The following JARID2 variants were observed in gnomAD, a reference collection of about 807,000 sequenced individuals.
JARID2 encodes the protein protein Jumonji.
JARID2 carries 21 observed loss-of-function variants against 125.6 expected under a neutral mutation model. The ratio of observed to expected loss-of-function variants is 0.17; its 90% CI spans 0.12 to 0.24. The LOEUF (loss-of-function observed/expected upper bound fraction) is 0.24. Among genes scored for constraint, JARID2 ranks in the 10% least tolerant of loss-of-function variants. The probability of loss-of-function intolerance (pLI) is 1.00; values close to 1 mark genes in which losing one functional copy is unlikely to be tolerated. For synonymous variants in JARID2, 736 were observed against 661.6 expected (o/e 1.11, Z -1.73); for missense variants, 1,303 against 1,639.6 (o/e 0.79, Z 3.55).
chr6:15,392,430 T>G (rs373322362), intron 2 of JARID2, among the ~76,000 whole-genome samples: 7 of 152,082 alleles, frequency 4.6e-5, no homozygotes, highest in East Asian at 3.9e-4. Flanking sequence ...AGGATTCACC[T>G]TCTGTCCGAC....
intron 1 of JARID2, among the ~76,000 whole-genome samples, chr6:15,332,797 A>G (rs781065053): frequency 4.6e-5 from 7 of 152,184 alleles, no homozygotes; most frequent in Non-Finnish European, 7.3e-5. Context: ...ATAGTTTTCA[A>G]TACATACATT....
chr6:15,476,974 C>G (rs1424095513), intron 5 of JARID2, among the ~76,000 whole-genome samples: 2 of 152,038 alleles, frequency 1.3e-5, no homozygotes, highest in East Asian at 3.9e-4. Flanking sequence ...AGGAGGAGAC[C>G]TTGGTGAAGG....
intron 6 of JARID2, among the ~76,000 whole-genome samples, chr6:15,495,662 G>T (rs994602696): frequency 9.2e-5 from 14 of 152,210 alleles, no homozygotes; most frequent in African/African-American, 3.4e-4. Flanking sequence ...GTGGAGCACA[G>T]AAATAGCAGA....
At chr6:15,346,058 G>C (rs1284971456) in intron 1 of JARID2, among the ~76,000 whole-genome samples, 1 of 152,186 alleles carries the variant, frequency 6.6e-6, no homozygotes, top group Non-Finnish European at 1.5e-5. Flanking sequence ...GATTTTTCCT[G>C]TCTGATAAAA....
At chr6:15,328,644 C>G (rs1386262667) in intron 1 of JARID2, among the ~76,000 whole-genome samples, 1 of 135,998 alleles carries the variant, frequency 7.4e-6, no homozygotes, top group Non-Finnish European at 1.6e-5. Context: ...GTGTTAAAGC[C>G]AGGACCACAG....
intron 5 of JARID2, among the ~76,000 whole-genome samples, chr6:15,474,460 CT>C (rs59060966): frequency 0.02 from 2,903 of 143,732 alleles, 69 homozygotes; most frequent in African/African-American, 0.065. Context: ...AGTTGCATGC[CT>C]TTTTTTTTTT....
chr6:15,398,131 T>C (rs1422990973), intron 2 of JARID2, among the ~76,000 whole-genome samples: 1 of 152,068 alleles, frequency 6.6e-6, no homozygotes, highest in East Asian at 1.9e-4. Context: ...TATATGTTTA[T>C]GTTATAATAT....
intron 1 of JARID2, among the ~76,000 whole-genome samples, chr6:15,251,919 G>A (rs1295736090): frequency 6.6e-6 from 1 of 152,000 alleles, no homozygotes; most frequent in African/African-American, 2.4e-5. Flanking sequence ...CGGAGGTTGC[G>A]GTGAGCCGCT....
chr6:15,468,113 A>G (rs1054590214), intron 4 of JARID2, among the ~76,000 whole-genome samples: 10 of 151,158 alleles, frequency 6.6e-5, no homozygotes, highest in Admixed American at 6.6e-4. Context: ...TGAATACAAC[A>G]CAGTGATTTT....
At chr6:15,447,241 G>C (rs1215669313) in intron 3 of JARID2, among the ~76,000 whole-genome samples, 2 of 152,038 alleles carry the variant, frequency 1.3e-5, no homozygotes, top group Non-Finnish European at 2.9e-5. Context: ...TCCTCTGCTG[G>C]TTTACATTTA....
intron 15 of JARID2, 85 bp from the exon 16 acceptor site, chr6:15,513,154 G>C: frequency 6.6e-7 from 1 of 1,526,664 alleles, no homozygotes; most frequent in Non-Finnish European, 8.8e-7. Flanking sequence ...CTGCAGGGAG[G>C]CCGGTGTGGG....
chr6:15,374,219 G>A lies in JARID2; in HGVS notation c.148G>A (p.Glu50Lys). 2 of 1,614,116 alleles carry A rather than the reference G, an allele frequency of 1.2e-6. No homozygotes were observed. The highest frequency in any genetic ancestry group is 1.7e-6 in the Non-Finnish European group (2 of 1,179,972). The stretch of plus-strand genomic sequence containing the variant: ...GAATTCCCAGAAGAGGCAGCATGCG[G>A]AAGGCATTGCTGGGAGCCTGAAAAC... Reference protein sequence around the residue: ...FKNSQKRQHAEGIAGSLKTVN... With the variant: ...FKNSQKRQHAKGIAGSLKTVN... The change falls in exon 2 of 18, where the codon GAA becomes AAA. Residue 50 changes from glutamate (E) to lysine (K), a missense_variant. By Grantham distance (56) the Glu-to-Lys change is moderately conservative. This residue lies in a region of JARID2 where 93 missense variants were observed against 120.4 expected (regional missense o/e 0.77). Transcript: ENST00000341776.
At chr6:15,336,927 A>G (rs1389093039) in intron 1 of JARID2, among the ~76,000 whole-genome samples, 2 of 152,114 alleles carry the variant, frequency 1.3e-5, no homozygotes, top group East Asian at 1.9e-4. Flanking sequence ...GCCAGAGAAG[A>G]GTTAACTTAT....
chr6:15,296,302 G>A (rs1287470163), intron 1 of JARID2, among the ~76,000 whole-genome samples: 2 of 152,090 alleles, frequency 1.3e-5, no homozygotes, highest in Non-Finnish European at 2.9e-5. Flanking sequence ...GTATTTGAAC[G>A]TTGTGCTAGA....
chr6:15,478,633 G>A (rs1769466236), intron 5 of JARID2, among the ~76,000 whole-genome samples: 1 of 151,648 alleles, frequency 6.6e-6, no homozygotes, highest in African/African-American at 2.4e-5. Context: ...CTTCAGATGT[G>A]GTTGGCCTGT....
At chr6:15,343,178 G>A (rs545930199) in intron 1 of JARID2, among the ~76,000 whole-genome samples, 7 of 141,184 alleles carry the variant, frequency 5.0e-5, no homozygotes, top group African/African-American at 1.9e-4. Context: ...GCAGTGAGCC[G>A]AGATCGTGCC....
chr6:15,462,789 A>G (rs1768514776), intron 4 of JARID2, among the ~76,000 whole-genome samples: 1 of 152,204 alleles, frequency 6.6e-6, no homozygotes. Flanking sequence ...CGAGGGAGGG[A>G]AGATAATGGG....
chr6:15,459,792 C>CA (rs1768360664), intron 4 of JARID2, among the ~76,000 whole-genome samples: 1 of 152,170 alleles, frequency 6.6e-6, no homozygotes, highest in South Asian at 2.1e-4. Context: ...AGGGCAAATG[C>CA]AAAAGCCTGG....
At chr6:15,494,941 T>C (rs1770338366) in intron 6 of JARID2, among the ~76,000 whole-genome samples, 1 of 152,160 alleles carries the variant, frequency 6.6e-6, no homozygotes, top group African/African-American at 2.4e-5. Context: ...CTCGGGCTGT[T>C]GGGGAGAAGA....
Sources: allele counts gnomAD v4.1 joint callset (sites outside exome capture counted in the v4.1 genomes callset), GRCh38; gene constraint gnomAD v4.1.1; regional missense constraint gnomAD v4.1.1; transcripts MANE v1.5; gene names NCBI Gene and HGNC (gene_info 2026-07-23, HGNC 2026-07-21).